Variants in ALK observed in about 807,000 individuals in gnomAD.
ALK encodes the protein ALK tyrosine kinase receptor.
A neutral mutation model predicts 163.1 loss-of-function variants in ALK; 74 were observed. That is an observed-to-expected ratio of 0.45 (90% CI 0.38 to 0.55). ALK has a LOEUF of 0.55. Among genes scored for constraint, ALK ranks in the 20% least tolerant of loss-of-function variants. The pLI, the probability that ALK is intolerant of heterozygous loss-of-function variation, is 0.00. For synonymous variants in ALK, 960 were observed against 843.2 expected, an observed-to-expected ratio of 1.14 and a Z score of -2.40; for missense variants, 2,063 against 2,105.3, an observed-to-expected ratio of 0.98 and a Z score of 0.39.
intron 4 of ALK, among the ~76,000 whole-genome samples, chr2:29,510,346 A>T (rs1672476860): frequency 6.6e-6 from 1 of 152,238 alleles, no homozygotes; most frequent in African/African-American, 2.4e-5. Context: ...TGAAGGAATT[A>T]ATCAATGAAT....
In ALK at chr2:29,637,932, T is replaced by G. The variant is rs180801862; in HGVS notation, c.952+56918A>C. ...TTAATTAAAACATATATAGTTGCTA[T>G]TAAAACTCAAGCTGGTAATTAAACC... On this transcript the variant is annotated intron_variant, in intron 3 of 28. Coordinates refer to ENST00000389048, the MANE Select transcript of ALK (RefSeq NM_004304.5). 5.9e-5 allele frequency among the ~76,000 whole-genome samples: 9 copies of G among 152,272 alleles called. No individual in the cohort carries two copies. The East Asian group carries it at 1.5e-3, about 26-fold the overall frequency.
chr2:29,303,466 C>T (rs1053798953), intron 8 of ALK, among the ~76,000 whole-genome samples: 1 of 152,184 alleles, frequency 6.6e-6, no homozygotes, highest in African/African-American at 2.4e-5. Flanking sequence ...CTGTGGAAAA[C>T]AGTATGGAGA....
At chr2:29,510,663 C>A (rs1234489433) in intron 4 of ALK, among the ~76,000 whole-genome samples, 1 of 152,154 alleles carries the variant, frequency 6.6e-6, no homozygotes, top group Non-Finnish European at 1.5e-5. Flanking sequence ...CTATACAAAA[C>A]AATTTGCAAA....
Position 29,246,949 on chromosome 2 carries a change from C to T in ALK, c.2204+4156G>A, listed in dbSNP as rs572512127. Among the ~76,000 whole-genome samples the T allele has an allele frequency of 8.3e-4, 127 of 152,330 alleles. No individual in the cohort carries two copies. The highest frequency in any genetic ancestry group is 3.0e-3 in the African/African-American group (124 of 41,572). ...CCTGCTGCCTCCAGCCTCGGCTCCC[C>T]GAGGCCAGCCTTGCCCGACTTCTCA... On this transcript the variant is annotated intron_variant, in intron 12 of 28. Transcript: ENST00000389048. This position sits in a 1 kb window ranked among gnomAD's most constrained non-coding sequence, Gnocchi z 4.3.
At chr2:29,432,983 GAT>G (rs142633410) in intron 4 of ALK, among the ~76,000 whole-genome samples, 1,569 of 152,240 alleles carry the variant, frequency 0.01, 14 homozygotes, top group African/African-American at 0.036. Flanking sequence ...GCAGGAAATA[GAT>G]AGTCAATAAG....
intron 8 of ALK, among the ~76,000 whole-genome samples, chr2:29,301,682 TAG>T (rs775704310): frequency 5.3e-5 from 8 of 152,238 alleles, no homozygotes; most frequent in Non-Finnish European, 1.2e-4. Context: ...CAGTTTAAAG[TAG>T]AGTCTGCTGA....
intron 4 of ALK, 124 bp from the exon 5 acceptor site, chr2:29,383,983 G>C: frequency 8.3e-7 from 1 of 1,204,720 alleles, no homozygotes; most frequent in Non-Finnish European, 1.2e-6. Context: ...TGGGCACCAA[G>C]AGATGGGACT....
chr2:29,339,752 G>A (rs1479737534), intron 5 of ALK, among the ~76,000 whole-genome samples: 3 of 152,138 alleles, frequency 2.0e-5, no homozygotes, highest in African/African-American at 4.8e-5. Context: ...CAGGGGGCCC[G>A]AGGTGATGGT....
intron 3 of ALK, among the ~76,000 whole-genome samples, chr2:29,599,955 C>T (rs1558402949): frequency 6.6e-6 from 1 of 152,188 alleles, no homozygotes; most frequent in Non-Finnish European, 1.5e-5. Context: ...CCCCTACCAT[C>T]TCCCTAAGAT....
chr2:29,627,227 C>T (rs1218694174), intron 3 of ALK, among the ~76,000 whole-genome samples: 2 of 152,144 alleles, frequency 1.3e-5, no homozygotes, highest in African/African-American at 4.8e-5. Context: ...CTCTCTTGTC[C>T]AATTAAAACA....
At chr2:29,490,365 C>T (rs996286801) in intron 4 of ALK, among the ~76,000 whole-genome samples, 3 of 152,184 alleles carry the variant, frequency 2.0e-5, no homozygotes, top group East Asian at 1.9e-4. Context: ...AAAGTGTTCA[C>T]GTGCCAGGTC....
chr2:29,503,356 T>A (rs1023426491), intron 4 of ALK, among the ~76,000 whole-genome samples: 3 of 152,228 alleles, frequency 2.0e-5, no homozygotes, highest in African/African-American at 7.2e-5. Flanking sequence ...TCATTCATCA[T>A]TTCAACAAAT....
intron 1 of ALK, among the ~76,000 whole-genome samples, chr2:29,818,142 C>T (rs903514168): frequency 3.3e-5 from 5 of 152,110 alleles, no homozygotes; most frequent in Non-Finnish European, 5.9e-5. Context: ...TTACTGTTTG[C>T]TTCCATTTTT....
chr2:29,354,917 C>G (rs1036133521), intron 5 of ALK, among the ~76,000 whole-genome samples: 16 of 152,110 alleles, frequency 1.1e-4, no homozygotes. Context: ...CAGGTGCCTG[C>G]CACCGCGCCT....
At chr2:29,633,964 T>C (rs966368338) in intron 3 of ALK, among the ~76,000 whole-genome samples, 4 of 152,200 alleles carry the variant, frequency 2.6e-5, no homozygotes, top group African/African-American at 4.8e-5. Context: ...GATGGCTTTA[T>C]TGAAAAATTC....
chr2:29,496,580 A>T (rs1042210130), intron 4 of ALK, among the ~76,000 whole-genome samples: 1 of 152,228 alleles, frequency 6.6e-6, no homozygotes, highest in African/African-American at 2.4e-5. Flanking sequence ...AAATGCCTTG[A>T]GGAAGAGATA....
At chr2:29,543,049 T>C (rs920823883) in intron 3 of ALK, among the ~76,000 whole-genome samples, 1 of 152,138 alleles carries the variant, frequency 6.6e-6, no homozygotes, top group East Asian at 1.9e-4. Context: ...TTCTTCTTCT[T>C]TTAACAGAAG....
chr2:29,888,264 A>ATTTT (rs1401782243), intron 1 of ALK, among the ~76,000 whole-genome samples: 8,627 of 142,204 alleles, frequency 0.061, 386 homozygotes, highest in Non-Finnish European at 0.095. Flanking sequence ...TTTTTTTTAA[A>ATTTT]AAAAGGGAAA....
chr2:29,546,904 G>A (rs926560903), intron 3 of ALK, among the ~76,000 whole-genome samples: 1 of 152,174 alleles, frequency 6.6e-6, no homozygotes, highest in African/African-American at 2.4e-5. Context: ...CGCTGCTGAA[G>A]AAGGAGCATG....
Sources: gnomAD v4.1 joint callset for allele counts (sites outside exome capture counted in the v4.1 genomes callset) on GRCh38, gnomAD v4.1.1 for gene constraint, Gnocchi (gnomAD v3.1) non-coding constraint, MANE v1.5 for transcripts, NCBI Gene and HGNC (gene_info 2026-07-23, HGNC 2026-07-21) for gene names.